The following MEGF9 variants were observed in gnomAD, a reference collection of about 807,000 sequenced individuals.
MEGF9 encodes multiple EGF like domains 9.
Under a neutral mutation model 46.8 loss-of-function variants are expected in MEGF9, and 6 were observed. That is an observed-to-expected ratio of 0.13 (90% CI 0.07 to 0.25). MEGF9 has a LOEUF of 0.25. Among genes scored for constraint, MEGF9 ranks in the 10% least tolerant of loss-of-function variants. The pLI is 1.00. For missense variants in MEGF9, 683 were observed against 792.4 expected (o/e 0.86, Z 1.66); for synonymous variants, 302 against 330.7 (o/e 0.91, Z 0.94).
At chr9:120,623,305 C>A (rs564179821) in intron 2 of MEGF9, among the ~76,000 whole-genome samples, 1 of 152,302 alleles carries the variant, frequency 6.6e-6, no homozygotes, top group African/African-American at 2.4e-5. Context: ...TTCTGTAGAT[C>A]CAAAGCATTA....
intron 1 of MEGF9, among the ~76,000 whole-genome samples, chr9:120,697,872 TG>T (rs2043885473): frequency 6.6e-6 from 1 of 150,850 alleles, no homozygotes; most frequent in African/African-American, 2.4e-5. Flanking sequence ...ATAGGGGAGG[TG>T]AAAAAAAAAC....
At chr9:120,606,142 G>A (rs2043419569) in intron 5 of MEGF9, among the ~76,000 whole-genome samples, 1 of 147,262 alleles carries the variant, frequency 6.8e-6, no homozygotes, top group Non-Finnish European at 1.5e-5. Flanking sequence ...CTGCACTCCA[G>A]CCTCGGTGAC....
chr9:120,679,571 T>C (rs1398363095), intron 1 of MEGF9, among the ~76,000 whole-genome samples: 2 of 151,898 alleles, frequency 1.3e-5, no homozygotes, highest in South Asian at 2.1e-4. Flanking sequence ...CATGTATACA[T>C]ATGTGACAAA....
At chr9:120,611,234 C>A (rs1412825974) in intron 4 of MEGF9, among the ~76,000 whole-genome samples, 5 of 152,062 alleles carry the variant, frequency 3.3e-5, no homozygotes, top group Non-Finnish European at 7.4e-5. Flanking sequence ...CCCAGGAATT[C>A]CACTCCTAGG....
intron 2 of MEGF9, among the ~76,000 whole-genome samples, chr9:120,629,030 C>G (rs112630966): frequency 3.3e-5 from 5 of 152,042 alleles, no homozygotes; most frequent in African/African-American, 1.2e-4. Flanking sequence ...GGCTGGAGTG[C>G]AGTGGTGCGA....
chr9:120,607,912 T>G lies in MEGF9; in HGVS notation c.1186A>C (p.Ile396Leu), dbSNP rs763421377. The G allele has an allele frequency of 6.2e-7, 1 of 1,614,030 alleles. No homozygotes were observed. Among genetic ancestry groups the G allele is most frequent in the Non-Finnish European group, 8.5e-7 (1 of 1,179,880 alleles). Reference protein sequence around the residue: ...CENGYYNFDSICRKCQCHGHV... With the variant: ...CENGYYNFDSLCRKCQCHGHV... ...CCGTGACATTGGCACTTTCTACAGA[T>G]GCTGTCAAAATTGTAATAGCCATTT... Residue 396 changes from isoleucine (I) to leucine (L), a missense_variant, in exon 5 of 6, where the codon ATC becomes CTC. By Grantham distance (5) the Ile-to-Leu change is conservative. This residue lies in a region of MEGF9 where 313 missense variants were observed against 421.1 expected (regional missense o/e 0.74). Transcript: ENST00000373930.
At chr9:120,633,884 T>C (rs1375180485) in intron 2 of MEGF9, among the ~76,000 whole-genome samples, 2 of 152,192 alleles carry the variant, frequency 1.3e-5, no homozygotes, top group East Asian at 3.8e-4. Flanking sequence ...TGTATTTGTA[T>C]AGCTTTCCAA....
intron 2 of MEGF9, among the ~76,000 whole-genome samples, chr9:120,657,990 CT>C (rs552269492): frequency 1.8e-3 from 262 of 145,636 alleles, no homozygotes; most frequent in Non-Finnish European, 1.6e-3. Context: ...TTCTCTTCTA[CT>C]TTTTTTTTTT....
At chr9:120,667,733 A>G (rs1021886691) in intron 1 of MEGF9, among the ~76,000 whole-genome samples, 8 of 152,210 alleles carry the variant, frequency 5.3e-5, no homozygotes, top group Admixed American at 4.6e-4. Flanking sequence ...CTTTAAAAAA[A>G]CCAACAAACT....
chr9:120,708,804 T>A (rs911799227), intron 1 of MEGF9, among the ~76,000 whole-genome samples: 3 of 152,152 alleles, frequency 2.0e-5, no homozygotes, highest in Non-Finnish European at 4.4e-5. Context: ...TTTAACACAA[T>A]CAATCTTATA....
chr9:120,620,161 G>A (rs181453628), intron 3 of MEGF9, among the ~76,000 whole-genome samples: 6 of 152,258 alleles, frequency 3.9e-5, no homozygotes, highest in Non-Finnish European at 7.4e-5. Context: ...AGAAAGGACA[G>A]GTCAGCACTT....
At chr9:120,625,617 C>T (rs140282160) in intron 2 of MEGF9, among the ~76,000 whole-genome samples, 1,974 of 151,788 alleles carry the variant, frequency 0.013, 41 homozygotes, top group African/African-American at 0.043. Flanking sequence ...GAGTGGATCA[C>T]GAGGGCAGGA....
intron 1 of MEGF9, among the ~76,000 whole-genome samples, chr9:120,698,186 C>A (rs1283427037): frequency 6.6e-6 from 1 of 152,164 alleles, no homozygotes; most frequent in African/African-American, 2.4e-5. Context: ...TATCAATGTG[C>A]TACCAACATA....
At chr9:120,625,535 T>TA (rs113176356) in intron 2 of MEGF9, among the ~76,000 whole-genome samples, 4 of 148,974 alleles carry the variant, frequency 2.7e-5, no homozygotes, top group Non-Finnish European at 6.0e-5. Context: ...CTCTGTCTCT[T>TA]AAAAAAAAGA....
At position 120,605,901 on chromosome 9, in the gene MEGF9, T is replaced by C. The variant is rs1361983762; in HGVS notation, c.1358-260A>G. 6.6e-6 allele frequency among the ~76,000 whole-genome samples: 1 copy of C among 152,088 alleles called. No homozygotes were observed. The highest frequency in any genetic ancestry group is 1.5e-5 in the Non-Finnish European group (1 of 68,004). ...TACATTAAAATCTTTGGGCCGGGCG[T>C]GGTGGCTCACACCTGTAATCCCAGC... On this transcript the variant is annotated intron_variant, in intron 5 of 5. Transcript: ENST00000373930. The surrounding 1 kb of genome is among the most constrained non-coding windows in gnomAD (Gnocchi z 4.0).
chr9:120,664,351 C>T (rs1019714017), intron 1 of MEGF9, among the ~76,000 whole-genome samples: 1 of 152,146 alleles, frequency 6.6e-6, no homozygotes, highest in African/African-American at 2.4e-5. Context: ...AATGTGTCCT[C>T]TCTGTGTCTC....
chr9:120,630,821 G>C (rs774886738), intron 2 of MEGF9, among the ~76,000 whole-genome samples: 2 of 152,124 alleles, frequency 1.3e-5, no homozygotes, highest in Non-Finnish European at 2.9e-5. Context: ...CAGCTCCTTT[G>C]CCCATTTTTA....
chr9:120,625,082 G>A (rs2043518426), intron 2 of MEGF9, among the ~76,000 whole-genome samples: 3 of 152,078 alleles, frequency 2.0e-5, no homozygotes, highest in Non-Finnish European at 4.4e-5. Context: ...TAGGCTGCCT[G>A]AACTACTCCA....
chr9:120,712,835 CTTTTG>C (rs933301907), intron 1 of MEGF9, among the ~76,000 whole-genome samples: 7 of 152,174 alleles, frequency 4.6e-5, no homozygotes, highest in Admixed American at 4.6e-4. Flanking sequence ...ACAAAGTAGG[CTTTTG>C]TTTTGTTTTG....
Sources: allele counts gnomAD v4.1 joint callset (sites outside exome capture counted in the v4.1 genomes callset), GRCh38; gene constraint gnomAD v4.1.1; regional missense constraint gnomAD v4.1.1; non-coding constraint Gnocchi (gnomAD v3.1); transcripts MANE v1.5; gene names NCBI Gene and HGNC (gene_info 2026-07-23, HGNC 2026-07-21).